DPYSL2: variants seen among roughly 807,000 people sequenced by gnomAD.
DPYSL2 encodes dihydropyrimidinase-related protein 2.
Under a neutral mutation model 69.9 loss-of-function variants are expected in DPYSL2, and 13 were observed. The ratio of observed to expected loss-of-function variants is 0.19; its 90% CI spans 0.12 to 0.30. DPYSL2 has a LOEUF of 0.30. Ranked by LOEUF, DPYSL2 falls within the 10% of genes least tolerant of loss-of-function variation. The pLI, the probability that DPYSL2 is intolerant of heterozygous loss-of-function variation, is 1.00. For synonymous variants in DPYSL2, 326 were observed against 359.1 expected (o/e 0.91, Z 1.04); for missense variants, 587 against 918.9 (o/e 0.64, Z 4.67).
In DPYSL2 at chr8:26,610,813, C is replaced by G. The variant is rs139877758; in HGVS notation, c.629-13330C>G. On this transcript the variant is annotated intron_variant, in intron 3 of 13. Coordinates refer to ENST00000521913, the MANE Select transcript of DPYSL2 (RefSeq NM_001197293.3). The surrounding 1 kb of genome is among the most constrained non-coding windows in gnomAD (Gnocchi z 4.5). Reference sequence around the variant, plus strand: ...CCTAAAGTATGTTTTTACTATTTAACACACGATTTTGTAGGCCCTACTGTT... The same window carrying G: ...CCTAAAGTATGTTTTTACTATTTAAGACACGATTTTGTAGGCCCTACTGTT... Among the ~76,000 whole-genome samples the G allele has an allele frequency of 6.6e-6, 1 of 152,160 alleles. No individual in the cohort carries two copies. Among genetic ancestry groups the G allele is most frequent in the Non-Finnish European group, 1.5e-5 (1 of 68,038 alleles).
At chr8:26,538,649 C>T (rs1235262619) in intron 1 of DPYSL2, among the ~76,000 whole-genome samples, 1 of 152,216 alleles carries the variant, frequency 6.6e-6, no homozygotes, top group African/African-American at 2.4e-5. Flanking sequence ...GGAGTAAGAA[C>T]CACCACTGTG....
chr8:26,586,408 G>A lies in DPYSL2; in HGVS notation c.628+2425G>A, dbSNP rs1055543609. Among the ~76,000 whole-genome samples the A allele has an allele frequency of 6.6e-6, 1 of 152,182 alleles. No individual in the cohort carries two copies. The highest frequency in any genetic ancestry group is 1.5e-5 in the Non-Finnish European group (1 of 68,034). ...AAGTACATGTTGCTCAGCAGATACA[G>A]AAAGTCCCTGTTTTCTCTCACACTT... On this transcript the variant is annotated intron_variant, in intron 3 of 13. Coordinates refer to ENST00000521913, the MANE Select transcript of DPYSL2 (RefSeq NM_001197293.3). This position sits in a 1 kb window ranked among gnomAD's most constrained non-coding sequence, Gnocchi z 4.7.
At chr8:26,622,089 CT>C (rs1491453821) in intron 3 of DPYSL2, among the ~76,000 whole-genome samples, 1 of 127,506 alleles carries the variant, frequency 7.8e-6, no homozygotes, top group South Asian at 2.7e-4. Context: ...TTCTTTCTTT[CT>C]TTCCTTCCTT....
intron 1 of DPYSL2, among the ~76,000 whole-genome samples, chr8:26,551,136 AGAAGAGG>A (rs1469752729): frequency 6.6e-6 from 1 of 152,224 alleles, no homozygotes; most frequent in Non-Finnish European, 1.5e-5. Flanking sequence ...CCCTTTGAGC[AGAAGAGG>A]GATGGTCTCA....
At chr8:26,574,315 G>A (rs966702078) in intron 1 of DPYSL2, among the ~76,000 whole-genome samples, 2 of 152,172 alleles carry the variant, frequency 1.3e-5, no homozygotes, top group Non-Finnish European at 2.9e-5. Context: ...CATTGAGCAT[G>A]GGGACAGAGT....
rs1177927702 is a variant in DPYSL2, at chr8:26,549,422, G to A, written c.355-32547G>A. 2.0e-5 allele frequency among the ~76,000 whole-genome samples: 3 copies of A among 152,016 alleles called. No homozygotes were observed. The South Asian group carries it at 6.2e-4, about 32-fold the overall frequency. ...ACGGAACAGAATATCCAAGAAATACGAGAAAATTACCAAAGATTTAATATA... is the reference window on the plus strand; with the variant it reads ...ACGGAACAGAATATCCAAGAAATACAAGAAAATTACCAAAGATTTAATATA... On this transcript the variant is annotated intron_variant, in intron 1 of 13. Transcript: ENST00000521913.
intron 1 of DPYSL2, among the ~76,000 whole-genome samples, chr8:26,554,334 G>A (rs1214066198): frequency 2.0e-5 from 3 of 149,450 alleles, no homozygotes; most frequent in African/African-American, 4.9e-5. Context: ...TTTGAAAAGT[G>A]TCTGTTCATG....
chr8:26,537,611 T>TACACACACACACACACACACACAC (rs56080102), intron 1 of DPYSL2, among the ~76,000 whole-genome samples: 3,851 of 147,582 alleles, frequency 0.026, 73 homozygotes, highest in East Asian at 0.061. Context: ...ATTCTCTCTC[T>TACACACACACACACACACACACAC]ACACACACAC....
In DPYSL2 at chr8:26,617,668, G is replaced by A. The variant is rs1045477753; in HGVS notation, c.629-6475G>A. ...TTAGGGAACCGCTTGAGGCAGGAGG[G>A]GAAGGAAGCACTGATTCTCGCTGCA... is the stretch of plus-strand genomic sequence containing the variant. On this transcript the variant is annotated intron_variant, in intron 3 of 13. Coordinates refer to ENST00000521913, the MANE Select transcript of DPYSL2 (RefSeq NM_001197293.3). This position sits in a 1 kb window ranked among gnomAD's most constrained non-coding sequence, Gnocchi z 4.7. 6.6e-6 allele frequency among the ~76,000 whole-genome samples: 1 copy of A among 152,172 alleles called. No individual in the cohort carries two copies. Among genetic ancestry groups the A allele is most frequent in the Admixed American group, 6.5e-5 (1 of 15,274 alleles).
chr8:26,649,391 G>A (rs1803236320), intron 11 of DPYSL2, among the ~76,000 whole-genome samples: 1 of 152,162 alleles, frequency 6.6e-6, no homozygotes, highest in African/African-American at 2.4e-5. Flanking sequence ...GACCTAGCTG[G>A]GGAACTTGCA....
chr8:26,631,213 C>T (rs1273560547), intron 7 of DPYSL2, among the ~76,000 whole-genome samples: 5 of 152,154 alleles, frequency 3.3e-5, no homozygotes, highest in South Asian at 2.1e-4. Context: ...TAAAGAAATA[C>T]GTGAGACTGG....
chr8:26,555,159 G>A (rs1380361347), intron 1 of DPYSL2, among the ~76,000 whole-genome samples: 3 of 152,034 alleles, frequency 2.0e-5, no homozygotes, highest in Non-Finnish European at 4.4e-5. Flanking sequence ...CATATTTATG[G>A]TGAGAAACCA....
In DPYSL2 at chr8:26,624,803, C is replaced by G. The variant is rs1802579709; in HGVS notation, c.793+496C>G. Among the ~76,000 whole-genome samples, 1 of 152,104 alleles carries G rather than the reference C, an allele frequency of 6.6e-6. No homozygotes were observed. Among genetic ancestry groups the G allele is most frequent in the African/African-American group, 2.4e-5 (1 of 41,402 alleles). ...CAACCTGAGAGGGCTTTTCCTTTCC[C>G]TAGAATTATTTTGGAGAACAAATTT... On this transcript the variant is annotated intron_variant, in intron 4 of 13. Coordinates refer to ENST00000521913, the MANE Select transcript of DPYSL2 (RefSeq NM_001197293.3). This position sits in a 1 kb window ranked among gnomAD's most constrained non-coding sequence, Gnocchi z 4.7.
At chr8:26,541,291 C>G (rs1461385700) in intron 1 of DPYSL2, among the ~76,000 whole-genome samples, 2 of 152,142 alleles carry the variant, frequency 1.3e-5, no homozygotes, top group African/African-American at 4.8e-5. Context: ...ATCAGGAGTA[C>G]TATGCCAGGC....
chr8:26,557,787 A>T (rs1432569857), intron 1 of DPYSL2, among the ~76,000 whole-genome samples: 1 of 151,740 alleles, frequency 6.6e-6, no homozygotes, highest in East Asian at 2.0e-4. Context: ...GACTTTTTCT[A>T]AAACAAACAA....
At position 26,591,856 on chromosome 8, in the gene DPYSL2, C is replaced by T. The variant is rs1801734207; in HGVS notation, c.628+7873C>T. 6.6e-6 allele frequency among the ~76,000 whole-genome samples: 1 copy of T among 152,148 alleles called. No homozygotes were observed. The highest frequency in any genetic ancestry group is 1.5e-5 in the Non-Finnish European group (1 of 68,028). On this transcript the variant is annotated intron_variant, in intron 3 of 13. Coordinates refer to ENST00000521913, the MANE Select transcript of DPYSL2 (RefSeq NM_001197293.3). The surrounding 1 kb of genome is among the most constrained non-coding windows in gnomAD (Gnocchi z 5.8). ...CATCCTGGCACTGCCTCCCCCTCTGCCCACCTCCCCTGCAAAGCTTGCAAT... is the reference window on the plus strand; with the variant it reads ...CATCCTGGCACTGCCTCCCCCTCTGTCCACCTCCCCTGCAAAGCTTGCAAT...
rs71517902 is a variant in DPYSL2 at position 26,521,664 on chromosome 8, T to C, written c.354+6985T>C. 3.3e-5 allele frequency among the ~76,000 whole-genome samples: 5 copies of C among 152,164 alleles called. No homozygotes were observed. In the East Asian group the frequency reaches 9.6e-4, roughly 29 times the overall value. The stretch of plus-strand genomic sequence containing the variant: ...ACTTTGTACCATTAAGCAGTCACTT[T>C]CCTTTTCCCATTCCCCCCATCCCCT... On this transcript the variant is annotated intron_variant, in intron 1 of 13. Coordinates refer to ENST00000521913, the MANE Select transcript of DPYSL2 (RefSeq NM_001197293.3).
At position 26,587,303 on chromosome 8, in the gene DPYSL2, A is replaced by C. The variant is rs1196355861; in HGVS notation, c.628+3320A>C. 6.6e-6 allele frequency among the ~76,000 whole-genome samples: 1 copy of C among 152,144 alleles called. No homozygotes were observed. The highest frequency in any genetic ancestry group is 2.1e-4 in the South Asian group (1 of 4,828). On this transcript the variant is annotated intron_variant, in intron 3 of 13. Transcript: ENST00000521913. The surrounding 1 kb of genome is among the most constrained non-coding windows in gnomAD (Gnocchi z 4.2). ...TCACAGGCCCACTGCTGCTTGCTGAAATAAAAAATTGAAGTGAATTGGTAC... is the reference window on the plus strand; with the variant it reads ...TCACAGGCCCACTGCTGCTTGCTGACATAAAAAATTGAAGTGAATTGGTAC...
chr8:26,549,492 A>G (rs1172388722), intron 1 of DPYSL2, among the ~76,000 whole-genome samples: 1 of 152,162 alleles, frequency 6.6e-6, no homozygotes, highest in East Asian at 1.9e-4. Context: ...AGAAAGGGAC[A>G]GGGGACATAC....
Sources: gnomAD v4.1 joint callset for allele counts (sites outside exome capture counted in the v4.1 genomes callset) on GRCh38, gnomAD v4.1.1 for gene constraint, Gnocchi (gnomAD v3.1) non-coding constraint, MANE v1.5 for transcripts, NCBI Gene and HGNC (gene_info 2026-07-23, HGNC 2026-07-21) for gene names.